The following NFIA variants were observed in gnomAD, a reference collection of about 807,000 sequenced individuals.
The protein encoded by NFIA is nuclear factor 1 A-type.
In NFIA, 8 loss-of-function variants were observed where a neutral mutation model predicts 62.8. The ratio of observed to expected loss-of-function variants is 0.13; its 90% CI spans 0.07 to 0.23. The LOEUF is 0.23. Ranked by LOEUF, NFIA falls within the 10% of genes least tolerant of loss-of-function variation. NFIA has a pLI of 1.00. For missense variants in NFIA, 410 were observed against 642.1 expected, an observed-to-expected ratio of 0.64 and a Z score of 3.91; for synonymous variants, 235 against 238.1, an observed-to-expected ratio of 0.99 and a Z score of 0.12.
At chr1:61,346,904 G>A (rs890109483) in intron 4 of NFIA, among the ~76,000 whole-genome samples, 4 of 152,104 alleles carry the variant, frequency 2.6e-5, no homozygotes, top group African/African-American at 7.2e-5. Flanking sequence ...AGAGAGAATC[G>A]GTCCCCAGCA....
chr1:61,417,022 A>T (rs1002270879), intron 9 of NFIA, among the ~76,000 whole-genome samples: 1 of 152,146 alleles, frequency 6.6e-6, no homozygotes, highest in Non-Finnish European at 1.5e-5. Flanking sequence ...AAGCATTACA[A>T]AGAAGGAATA....
At chr1:61,454,299 T>A (rs1668202914) in intron 10 of NFIA, among the ~76,000 whole-genome samples, 1 of 152,246 alleles carries the variant, frequency 6.6e-6, no homozygotes, top group South Asian at 2.1e-4. Flanking sequence ...TTTATTTCAC[T>A]GGAGAAACTA....
intron 3 of NFIA, among the ~76,000 whole-genome samples, chr1:61,286,209 C>T (rs187743435): frequency 9.9e-5 from 15 of 151,804 alleles, no homozygotes; most frequent in Admixed American, 3.3e-4. Context: ...AGGCGGATCA[C>T]GAGGTCAGGG....
intron 2 of NFIA, among the ~76,000 whole-genome samples, chr1:61,199,536 A>T (rs1659955385): frequency 6.6e-6 from 1 of 151,986 alleles, no homozygotes. Context: ...TGAAATTTGA[A>T]CTCAGATCCG....
At chr1:61,448,089 C>T (rs1214700448) in intron 10 of NFIA, among the ~76,000 whole-genome samples, 2 of 152,086 alleles carry the variant, frequency 1.3e-5, no homozygotes, top group Admixed American at 1.3e-4. Flanking sequence ...ATGTAGTATG[C>T]CATTCGCTAA....
intron 2 of NFIA, among the ~76,000 whole-genome samples, chr1:61,220,535 T>C (rs1350448259): frequency 1.3e-5 from 2 of 152,370 alleles, no homozygotes; most frequent in Admixed American, 6.5e-5. Flanking sequence ...GACACTATCA[T>C]TGCTAAATCA....
intron 4 of NFIA, among the ~76,000 whole-genome samples, chr1:61,334,530 T>C (rs1438880836): frequency 9.2e-5 from 1 of 10,854 alleles, no homozygotes; most frequent in Non-Finnish European, 2.2e-4. Flanking sequence ...TGTGTGTGTG[T>C]ATATATGTGT....
At chr1:61,165,269 T>C (rs1176135679) in intron 2 of NFIA, among the ~76,000 whole-genome samples, 23 of 152,242 alleles carry the variant, frequency 1.5e-4, no homozygotes, top group Admixed American at 1.5e-3. Context: ...GCCTGTTTTG[T>C]AAATCATTGT....
intron 2 of NFIA, among the ~76,000 whole-genome samples, chr1:61,224,287 T>C (rs1570409706): frequency 6.6e-6 from 1 of 152,198 alleles, no homozygotes; most frequent in African/African-American, 2.4e-5. Flanking sequence ...TACTTCTTAA[T>C]GCTTATCTCT....
chr1:61,346,906 T>C (rs543657871), intron 4 of NFIA, among the ~76,000 whole-genome samples: 1 of 152,144 alleles, frequency 6.6e-6, no homozygotes, highest in South Asian at 2.1e-4. Flanking sequence ...AGAGAATCGG[T>C]CCCCAGCAAA....
At chr1:61,362,453 C>A (rs79581971) in intron 6 of NFIA, among the ~76,000 whole-genome samples, 2 of 152,128 alleles carry the variant, frequency 1.3e-5, no homozygotes, top group African/African-American at 4.8e-5. Context: ...CTTTGGTTTC[C>A]GTTTACCTGC....
At chr1:61,268,961 C>G (rs1253113326) in intron 2 of NFIA, among the ~76,000 whole-genome samples, 1 of 152,106 alleles carries the variant, frequency 6.6e-6, no homozygotes, top group Non-Finnish European at 1.5e-5. Context: ...AACCCGTGCT[C>G]CCTCCCTTGC....
At chr1:61,299,435 T>A (rs1029940509) in intron 3 of NFIA, among the ~76,000 whole-genome samples, 1 of 152,204 alleles carries the variant, frequency 6.6e-6, no homozygotes, top group African/African-American at 2.4e-5. Flanking sequence ...CTTTTTAATT[T>A]AATCTCAATG....
At chr1:61,175,176 C>T (rs1025878280) in intron 2 of NFIA, among the ~76,000 whole-genome samples, 1 of 151,882 alleles carries the variant, frequency 6.6e-6, no homozygotes, top group Non-Finnish European at 1.5e-5. Context: ...GGATCTCACT[C>T]TCTTGCCCAG....
At chr1:61,089,457 A>G (rs1481328301) in intron 2 of NFIA, among the ~76,000 whole-genome samples, 1 of 152,282 alleles carries the variant, frequency 6.6e-6, no homozygotes, top group Non-Finnish European at 1.5e-5. Context: ...GGATAAAACT[A>G]TTGAGGACTG....
At chr1:61,390,334 A>G (rs530302722) in intron 7 of NFIA, among the ~76,000 whole-genome samples, 1 of 152,270 alleles carries the variant, frequency 6.6e-6, no homozygotes, top group East Asian at 1.9e-4. Flanking sequence ...TATGAGTCAA[A>G]AAAAAAAATA....
At chr1:61,176,768 A>G (rs922083231) in intron 2 of NFIA, among the ~76,000 whole-genome samples, 5 of 152,152 alleles carry the variant, frequency 3.3e-5, no homozygotes, top group African/African-American at 4.8e-5. Context: ...ATATGAGCAG[A>G]ATCAAATTGC....
At chr1:61,087,341 A>G (rs1343474649) in intron 1 of NFIA, among the ~76,000 whole-genome samples, 1 of 152,146 alleles carries the variant, frequency 6.6e-6, no homozygotes, top group Non-Finnish European at 1.5e-5. Context: ...CAATCATATT[A>G]GTAAATTAAA....
At chr1:61,226,648 CTTTTTA>C (rs774423279) in intron 2 of NFIA, among the ~76,000 whole-genome samples, 7 of 152,162 alleles carry the variant, frequency 4.6e-5, no homozygotes, top group African/African-American at 1.4e-4. Flanking sequence ...CCCCTCCCAT[CTTTTTA>C]TTTTTATTTT....
Sources: gnomAD v4.1 joint callset for allele counts (sites outside exome capture counted in the v4.1 genomes callset) on GRCh38, gnomAD v4.1.1 for gene constraint, MANE v1.5 for transcripts, NCBI Gene and HGNC (gene_info 2026-07-23, HGNC 2026-07-21) for gene names.